The following KCNQ5 variants were observed in gnomAD, a reference collection of about 807,000 sequenced individuals.
The protein encoded by KCNQ5 is potassium voltage-gated channel subfamily Q member 5, also known as potassium voltage-gated channel subfamily KQT member 5.
A neutral mutation model predicts 98.2 loss-of-function variants in KCNQ5; 30 were observed. That is an observed-to-expected ratio of 0.31 (90% confidence interval 0.23 to 0.41). KCNQ5 has a LOEUF of 0.41. Ranked by LOEUF, KCNQ5 falls within the 10% of genes least tolerant of loss-of-function variation. The pLI, the probability that KCNQ5 is intolerant of heterozygous loss-of-function variation, is 1.00. For missense variants in KCNQ5, 835 were observed against 1,182.5 expected (o/e 0.71, Z 4.31); for synonymous variants, 458 against 449.4 (o/e 1.02, Z -0.24).
intron 1 of KCNQ5, among the ~76,000 whole-genome samples, chr6:72,683,065 A>G (rs1175500179): frequency 6.6e-6 from 1 of 152,170 alleles, no homozygotes; most frequent in Non-Finnish European, 1.5e-5. Context: ...GATGCAGAGG[A>G]TGGAAGATGG....
chr6:72,970,396 G>C (rs905848032), intron 1 of KCNQ5, among the ~76,000 whole-genome samples: 1 of 152,322 alleles, frequency 6.6e-6, no homozygotes, highest in Admixed American at 6.5e-5. Context: ...TTGGCCAATA[G>C]TTTGATTACT....
At chr6:72,760,300 T>A (rs1772198468) in intron 1 of KCNQ5, among the ~76,000 whole-genome samples, 1 of 152,156 alleles carries the variant, frequency 6.6e-6, no homozygotes, top group African/African-American at 2.4e-5. Context: ...CAAGGTCTCC[T>A]GGGTAAAGTT....
intron 2 of KCNQ5, among the ~76,000 whole-genome samples, chr6:73,008,794 C>T (rs1389819215): frequency 6.6e-6 from 1 of 152,128 alleles, no homozygotes; most frequent in South Asian, 2.1e-4. Context: ...TACCCAATAA[C>T]AATAACATAA....
chr6:73,002,183 A>G (rs1769609988), intron 1 of KCNQ5, among the ~76,000 whole-genome samples: 1 of 152,198 alleles, frequency 6.6e-6, no homozygotes, highest in African/African-American at 2.4e-5. Flanking sequence ...AACATCGTGT[A>G]CTAGGTTTTT....
At chr6:73,077,615 A>G in intron 4 of KCNQ5, 118 bp downstream of exon 4, 1 of 1,308,164 alleles carries the variant, frequency 7.6e-7, no homozygotes, top group Non-Finnish European at 1.0e-6. Context: ...GGTTAAAACA[A>G]TTTTGGGACA....
intron 2 of KCNQ5, among the ~76,000 whole-genome samples, chr6:73,035,610 A>G (rs1052392351): frequency 1.2e-4 from 19 of 152,194 alleles, no homozygotes; most frequent in African/African-American, 4.1e-4. Context: ...TGAATGTAAC[A>G]GATTTTTGTA....
intron 9 of KCNQ5, among the ~76,000 whole-genome samples, chr6:73,124,942 T>TGA (rs1352278714): frequency 1.2e-4 from 3 of 24,914 alleles, no homozygotes; most frequent in African/African-American, 8.7e-4. Context: ...GAGTGATATA[T>TGA]ATATATATAT....
chr6:72,994,195 G>T (rs1769163659), intron 1 of KCNQ5, among the ~76,000 whole-genome samples: 1 of 86,544 alleles, frequency 1.2e-5, no homozygotes, highest in East Asian at 3.0e-4. Context: ...CACCCAGTTC[G>T]AGCTGCCCGG....
chr6:73,162,083 AT>A (rs57770655), intron 10 of KCNQ5, among the ~76,000 whole-genome samples: 15,962 of 140,928 alleles, frequency 0.11, 1,975 homozygotes, highest in African/African-American at 0.31. Flanking sequence ...TGCCCAGCTA[AT>A]TTTTTTTTTT....
At chr6:73,033,262 A>C (rs567285068) in intron 2 of KCNQ5, among the ~76,000 whole-genome samples, 72 of 152,224 alleles carry the variant, frequency 4.7e-4, no homozygotes, top group African/African-American at 1.7e-3. Flanking sequence ...TCAATACCTG[A>C]TAAAAAACCA....
chr6:72,637,357 T>G (rs2098924806), intron 1 of KCNQ5, among the ~76,000 whole-genome samples: 1 of 152,000 alleles, frequency 6.6e-6, no homozygotes, highest in Non-Finnish European at 1.5e-5. Flanking sequence ...ATATTATACC[T>G]AGCCTTCCAA....
At chr6:73,089,448 G>T (rs374394033) in intron 5 of KCNQ5, among the ~76,000 whole-genome samples, 13 of 152,204 alleles carry the variant, frequency 8.5e-5, no homozygotes, top group Admixed American at 5.9e-4. Flanking sequence ...GGAACAGGTG[G>T]TTTTTGGTTA....
At chr6:72,941,666 CT>C (rs1766311378) in intron 1 of KCNQ5, among the ~76,000 whole-genome samples, 2 of 83,036 alleles carry the variant, frequency 2.4e-5, no homozygotes, top group Non-Finnish European at 4.6e-5. Flanking sequence ...CCCTCCCCAT[CT>C]CTTTCTTTCT....
intron 1 of KCNQ5, among the ~76,000 whole-genome samples, chr6:72,702,922 C>T (rs533872182): frequency 1.4e-4 from 21 of 152,190 alleles, no homozygotes; most frequent in African/African-American, 4.8e-4. Flanking sequence ...CTTTATCTTC[C>T]TCTCCATCCT....
At chr6:72,833,157 C>A (rs966394183) in intron 1 of KCNQ5, among the ~76,000 whole-genome samples, 1 of 152,100 alleles carries the variant, frequency 6.6e-6, no homozygotes, top group African/African-American at 2.4e-5. Flanking sequence ...ATGAACTGTT[C>A]GACAGGCCAC....
intron 1 of KCNQ5, among the ~76,000 whole-genome samples, chr6:72,886,976 C>T (rs1438838925): frequency 6.6e-6 from 1 of 151,278 alleles, no homozygotes; most frequent in Non-Finnish European, 1.5e-5. Context: ...TATCTAAAGA[C>T]AAAAAAGAAT....
chr6:72,970,993 A>G (rs1694686385), intron 1 of KCNQ5, among the ~76,000 whole-genome samples: 1 of 152,252 alleles, frequency 6.6e-6, no homozygotes, highest in Non-Finnish European at 1.5e-5. Context: ...ACCAAAATTG[A>G]CAAATGGGAT....
intron 1 of KCNQ5, among the ~76,000 whole-genome samples, chr6:72,790,380 T>C (rs985368324): frequency 2.0e-5 from 3 of 152,136 alleles, no homozygotes; most frequent in Non-Finnish European, 2.9e-5. Flanking sequence ...AGATTAAATA[T>C]AGAAAAATAG....
chr6:73,160,529 G>T (rs1777578216), intron 10 of KCNQ5, among the ~76,000 whole-genome samples: 1 of 152,154 alleles, frequency 6.6e-6, no homozygotes, highest in Non-Finnish European at 1.5e-5. Flanking sequence ...GTTGTGATAG[G>T]ACAAAACCTT....
Sources: allele counts gnomAD v4.1 joint callset (sites outside exome capture counted in the v4.1 genomes callset), GRCh38; gene constraint gnomAD v4.1.1; transcripts MANE v1.5; gene names NCBI Gene and HGNC (gene_info 2026-07-23, HGNC 2026-07-21).